The following ZNF324B variants were observed in gnomAD, a reference collection of about 807,000 sequenced individuals.
ZNF324B encodes the protein zinc finger protein 324B.
Under a neutral mutation model 10.6 loss-of-function variants are expected in ZNF324B, and 7 were observed. The observed-to-expected ratio is 0.66, with a 90% CI of 0.38 to 1.24. ZNF324B has a LOEUF of 1.24. Among genes scored for constraint, ZNF324B ranks in the 50% most tolerant of loss-of-function variants. The pLI, the probability that ZNF324B is intolerant of heterozygous loss-of-function variation, is 0.02. For missense variants in ZNF324B, 640 were observed against 764.7 expected (o/e 0.84, Z 1.92); for synonymous variants, 316 against 321.0 (o/e 0.98, Z 0.17).
Position 58,454,836 on chromosome 19 carries a change from AC to A in ZNF324B, c.239-346del, listed in dbSNP as rs899764811. 7.6e-6 allele frequency: 4 copies of A among 526,146 alleles called. No individual in the cohort carries two copies. In the African/African-American group the frequency reaches 7.7e-5, roughly 10 times the overall value. 32.6% of individuals were successfully genotyped at this position (526,146 alleles called of 1,614,324 possible). On this transcript the variant is annotated intron_variant, in intron 3 of 3. Coordinates refer to ENST00000336614, the MANE Select transcript of ZNF324B (RefSeq NM_207395.3). Reference sequence around the variant, plus strand: ...GCAGGTTTGGGAGTGGGTGCCCAAGACGGGGCACCAGGGGAGAAGGGAGTGA... The same window carrying A: ...GCAGGTTTGGGAGTGGGTGCCCAAGAGGGGCACCAGGGGAGAAGGGAGTGA...
chr19:58,446,917 C>T (rs1269359806), upstream of ZNF324B, among the ~76,000 whole-genome samples: 2 of 151,008 alleles, frequency 1.3e-5, no homozygotes, highest in African/African-American at 2.4e-5. Flanking sequence ...TTTCTTCTTT[C>T]CTTTCCTTTC....
At chr19:58,450,788 A>C (rs556554945), upstream of ZNF324B, among the ~76,000 whole-genome samples, 23 of 152,344 alleles carry the variant, frequency 1.5e-4, no homozygotes, top group African/African-American at 5.5e-4. Flanking sequence ...GGGAAGCAAC[A>C]AAGAGAGAAT....
At chr19:58,439,783 T>A in the ZNF324B span, 1 of 1,546,468 alleles carries the variant, frequency 6.5e-7, no homozygotes, top group Non-Finnish European at 8.7e-7. Flanking sequence ...TCAGCAACGC[T>A]GGCAACCCCA....
At chr19:58,454,917 G>C (rs1487044630) in intron 3 of ZNF324B, 11 of 614,274 alleles carry the variant, frequency 1.8e-5, no homozygotes, top group African/African-American at 1.5e-4. Context: ...GTGGCACGCA[G>C]CAGCTGCTGT....
At chr19:58,430,223 C>G in the ZNF324B span, 1 of 152,200 alleles carries the variant, frequency 6.6e-6, no homozygotes, top group African/African-American at 2.4e-5. Flanking sequence ...CATGAGTTTG[C>G]TTGGAAGCAG....
the ZNF324B span, chr19:58,435,172 T>A: frequency 6.2e-7 from 1 of 1,614,104 alleles, no homozygotes; most frequent in South Asian, 1.1e-5. Context: ...AACATTCTGC[T>A]TGGGATGGGC....
the ZNF324B span, among the ~76,000 whole-genome samples, chr19:58,439,497 G>A: frequency 6.6e-6 from 1 of 152,184 alleles, no homozygotes; most frequent in Non-Finnish European, 1.5e-5. Flanking sequence ...ACTAAACAAG[G>A]TACACATGCT....
chr19:58,436,860 C>T, the ZNF324B span: 1 of 822,054 alleles, frequency 1.2e-6, no homozygotes, highest in East Asian at 2.6e-5. Flanking sequence ...ATTAGGAAAG[C>T]TCATGAGGCT....
chr19:58,453,665 C>T (rs1212247837), intron 1 of ZNF324B, 31 bp from the exon 2 acceptor site: 8 of 1,614,128 alleles, frequency 5.0e-6, no homozygotes, highest in Middle Eastern at 1.6e-4. Flanking sequence ...TACCTTAGAC[C>T]ATGCCTACCT....
the ZNF324B span, chr19:58,433,218 C>T: frequency 8.1e-7 from 1 of 1,242,184 alleles, no homozygotes; most frequent in Non-Finnish European, 1.1e-6. Flanking sequence ...GGCTTTTCCA[C>T]ATTAGCAGTA....
At chr19:58,446,383 GC>G in the ZNF324B span, among the ~76,000 whole-genome samples, 2 of 152,056 alleles carry the variant, frequency 1.3e-5, no homozygotes, top group African/African-American at 4.8e-5. Flanking sequence ...TGTGGTGGAA[GC>G]CCATCTCTGT....
upstream of ZNF324B, chr19:58,451,518 G>C: frequency 2.1e-6 from 1 of 466,336 alleles, no homozygotes; most frequent in South Asian, 1.5e-5. Context: ...CCTCCGCGCC[G>C]AAAAACAGGC....
chr19:58,425,428 CCTTCCTTCCTTCCTGTCTTCCTT>C, the ZNF324B span, among the ~76,000 whole-genome samples: 2 of 150,538 alleles, frequency 1.3e-5, no homozygotes, highest in Admixed American at 6.7e-5. Flanking sequence ...ATTTTTCCTT[CCTTCCTTCCTTCCTGTCTTCCTT>C]CTTCCTTCCT....
the ZNF324B span, among the ~76,000 whole-genome samples, chr19:58,419,813 C>T: frequency 6.6e-5 from 10 of 152,258 alleles, no homozygotes; most frequent in South Asian, 8.3e-4. Context: ...GGATCCAGAT[C>T]TTGCGGTTTA....
rs1353269788 is a variant in ZNF324B, at chr19:58,457,298, A to G, written c.*719A>G. On this transcript the variant is annotated 3_prime_UTR_variant, in exon 4 of 4. Coordinates refer to ENST00000336614, the MANE Select transcript of ZNF324B (RefSeq NM_207395.3). ...CAGCTGACTCAGGAGAGGAATGCCC[A>G]TGGTTCTCAGCATTGGAAGGACAAA... The G allele has an allele frequency of 6.6e-6, 1 of 152,638 alleles. No homozygotes were observed. Among genetic ancestry groups the G allele is most frequent in the Non-Finnish European group, 1.5e-5 (1 of 68,212 alleles). The allele number at this position is 152,638 out of a possible 1,614,324, so 9.5% of individuals were successfully genotyped here.
the ZNF324B span, chr19:58,433,082 C>T: frequency 2.1e-6 from 1 of 477,754 alleles, no homozygotes; most frequent in South Asian, 2.5e-5. Context: ...TGCATGAGGA[C>T]AGGACTGCTG....
the ZNF324B span, chr19:58,442,960 T>C: frequency 3.3e-5 from 5 of 152,290 alleles, no homozygotes; most frequent in African/African-American, 1.2e-4. Flanking sequence ...TTATTCTATT[T>C]GGCCCTGCCC....
chr19:58,443,928 A>G, the ZNF324B span: 1 of 152,260 alleles, frequency 6.6e-6, no homozygotes, highest in Admixed American at 6.5e-5. Context: ...GTATAGGATC[A>G]CTGCCACCAC....
upstream of ZNF324B, among the ~76,000 whole-genome samples, chr19:58,448,308 A>T (rs545160726): frequency 6.6e-6 from 1 of 152,334 alleles, no homozygotes; most frequent in African/African-American, 2.4e-5. Flanking sequence ...GGTAGTCTCA[A>T]ATGGAGATGA....
Sources: allele counts gnomAD v4.1 joint callset (sites outside exome capture counted in the v4.1 genomes callset), GRCh38; gene constraint gnomAD v4.1.1; transcripts MANE v1.5; gene names NCBI Gene and HGNC (gene_info 2026-07-23, HGNC 2026-07-21).